IRGM: variants seen among roughly 807,000 people sequenced by gnomAD.
The protein encoded by IRGM is immunity-related GTPase family M protein.
For synonymous variants in IRGM, 98 were observed against 80.6 expected, an observed-to-expected ratio of 1.22 and a Z score of -1.16; for missense variants, 288 against 219.9, an observed-to-expected ratio of 1.31 and a Z score of -1.96.
At chr5:150,890,345 A>G (rs1359347006) in intron 3 of IRGM, among the ~76,000 whole-genome samples, 2 of 151,974 alleles carry the variant, frequency 1.3e-5, no homozygotes, top group Non-Finnish European at 2.9e-5. Flanking sequence ...GTATGTCTGT[A>G]AAGTCTGTAG....
intron 3 of IRGM, chr5:150,895,558 T>C (rs754025444): frequency 3.7e-6 from 6 of 1,613,466 alleles, no homozygotes. Flanking sequence ...AGGTCTGACT[T>C]CTGAGAAAAG....
intron 3 of IRGM, chr5:150,895,530 A>C: frequency 6.2e-7 from 1 of 1,613,574 alleles, no homozygotes; most frequent in South Asian, 1.1e-5. Flanking sequence ...CCCAGTATGA[A>C]TCCTCTGATG....
intron 3 of IRGM, among the ~76,000 whole-genome samples, chr5:150,893,972 T>G (rs1158231199): frequency 6.6e-6 from 1 of 151,966 alleles, no homozygotes; most frequent in Non-Finnish European, 1.5e-5. Context: ...CCCTGTCCAG[T>G]GAATGGCATC....
rs1043402777 is a variant in IRGM, at chr5:150,867,730, A to C, written c.159-10250A>C. 2.0e-5 allele frequency among the ~76,000 whole-genome samples: 3 copies of C among 151,978 alleles called. No homozygotes were observed. In the East Asian group the frequency reaches 5.8e-4, roughly 29 times the overall value. ...TTTTGATTTGCATTTCCCGATAATT[A>C]GTGATGTTGAGCATTTTTTAATGTT... On this transcript the variant is annotated intron_variant and NMD_transcript_variant, in intron 1 of 3. Transcript: ENST00000520549.
At chr5:150,882,098 C>T (rs1581651058) in intron 3 of IRGM, among the ~76,000 whole-genome samples, 1 of 151,940 alleles carries the variant, frequency 6.6e-6, no homozygotes, top group East Asian at 1.9e-4. Context: ...GGGAGACTCA[C>T]CTGAGTCTGG....
exon 2 of IRGM, chr5:150,878,105 C>T: frequency 2.3e-6 from 1 of 444,146 alleles, no homozygotes; most frequent in Non-Finnish European, 4.4e-6. Context: ...AATAGCAAGG[C>T]CCAGCTCAGG....
intron 3 of IRGM, among the ~76,000 whole-genome samples, chr5:150,890,379 A>G (rs908083947): frequency 2.0e-5 from 3 of 148,308 alleles, no homozygotes; most frequent in South Asian, 2.1e-4. Context: ...CTCATTTCTG[A>G]TTTGAATAAT....
chr5:150,893,925 T>A (rs1364826397), intron 3 of IRGM, among the ~76,000 whole-genome samples: 1 of 152,038 alleles, frequency 6.6e-6, no homozygotes, highest in African/African-American at 2.4e-5. Flanking sequence ...ACCTGGGATG[T>A]GGGGGGAGTG....
chr5:150,847,536 C>A (rs912317588), intron 1 of IRGM, 173 bp from the exon 2 acceptor site: 1 of 152,838 alleles, frequency 6.5e-6, no homozygotes, highest in Non-Finnish European at 1.5e-5. Flanking sequence ...CCTCAGGGAC[C>A]CTACCTTTCT....
intron 1 of IRGM, among the ~76,000 whole-genome samples, chr5:150,859,898 C>G (rs867126032): frequency 1.3e-4 from 20 of 152,240 alleles, no homozygotes; most frequent in Middle Eastern, 3.4e-3. Context: ...TTTTCAACTA[C>G]TGACTTGATT....
intron 1 of IRGM, among the ~76,000 whole-genome samples, chr5:150,854,016 C>T (rs894923812): frequency 4.0e-5 from 6 of 151,864 alleles, no homozygotes; most frequent in African/African-American, 1.5e-4. Flanking sequence ...TACTACTTTC[C>T]TTTGTTTTTA....
At chr5:150,856,517 A>G (rs1052840473) in intron 1 of IRGM, among the ~76,000 whole-genome samples, 2 of 152,142 alleles carry the variant, frequency 1.3e-5, no homozygotes, top group African/African-American at 2.4e-5. Flanking sequence ...TAAACATTCT[A>G]TTTATATTTG....
downstream of IRGM, among the ~76,000 whole-genome samples, chr5:150,902,057 G>A (rs542505360): frequency 3.9e-4 from 60 of 152,240 alleles, no homozygotes; most frequent in African/African-American, 1.4e-3. Flanking sequence ...AGGTTTGGAA[G>A]GTTAGAAGCA....
intron 1 of IRGM, among the ~76,000 whole-genome samples, chr5:150,874,133 A>T (rs1363548522): frequency 1.3e-5 from 2 of 152,250 alleles, no homozygotes; most frequent in African/African-American, 4.8e-5. Flanking sequence ...ATTCCTGTCC[A>T]TAAGGCCCAC....
chr5:150,870,917 C>T (rs184131510), intron 1 of IRGM, among the ~76,000 whole-genome samples: 1 of 151,002 alleles, frequency 6.6e-6, no homozygotes, highest in Non-Finnish European at 1.5e-5. Context: ...CCGTCTTGAT[C>T]GAATCTGAAG....
At chr5:150,880,626 G>A (rs986894346) in intron 3 of IRGM, among the ~76,000 whole-genome samples, 1 of 151,986 alleles carries the variant, frequency 6.6e-6, no homozygotes, top group Non-Finnish European at 1.5e-5. Context: ...CCTCCCAATG[G>A]GAACCCGCTT....
Position 150,848,226 on chromosome 5 carries a change from A to G in IRGM, c.103A>G (p.Asn35Asp). 6.4e-7 allele frequency: 1 copy of G among 1,551,814 alleles called. No individual in the cohort carries two copies. ...TLKIVSRTPV[N>D]ITMAGDSGNG... is the part of the protein sequence containing the mutation. ...GAAGATAGTGTCCAGGACACCAGTT[A>G]ACATCACTATGGCAGGGGACTCTGG... Residue 35 changes from asparagine to aspartate, a missense_variant, in exon 2 of 2, where the codon AAC (asparagine) becomes GAC (aspartate). By Grantham distance (23) the Asn-to-Asp change is conservative. Coordinates refer to ENST00000522154, the MANE Select transcript of IRGM (RefSeq NM_001145805.2).
chr5:150,875,933 C>T (rs1055941268), intron 1 of IRGM, among the ~76,000 whole-genome samples: 2 of 152,212 alleles, frequency 1.3e-5, no homozygotes, highest in African/African-American at 4.8e-5. Flanking sequence ...GTTTGCCTAT[C>T]CTGTGTACAA....
chr5:150,849,323 G>A (rs1753938080), downstream of IRGM, among the ~76,000 whole-genome samples: 1 of 151,286 alleles, frequency 6.6e-6, no homozygotes, highest in Non-Finnish European at 1.5e-5. Flanking sequence ...ATATCTTATG[G>A]TTTATAAGGA....
Sources: gnomAD v4.1 joint callset for allele counts (sites outside exome capture counted in the v4.1 genomes callset) on GRCh38, gnomAD v4.1.1 for gene constraint, MANE v1.5 for transcripts, NCBI Gene and HGNC (gene_info 2026-07-23, HGNC 2026-07-21) for gene names.